FAM107B: variants seen among roughly 807,000 people sequenced by gnomAD.
The protein encoded by FAM107B is protein FAM107B.
Under a neutral mutation model 31.5 loss-of-function variants are expected in FAM107B, and 21 were observed. The ratio of observed to expected loss-of-function variants is 0.67; its 90% CI spans 0.47 to 0.96. The LOEUF (loss-of-function observed/expected upper bound fraction) is 0.96. FAM107B is among the 40% of genes least tolerant of loss of function. The probability of loss-of-function intolerance (pLI) is 0.00; values close to 1 mark genes in which losing one functional copy is unlikely to be tolerated. For synonymous variants in FAM107B, 157 were observed against 141.5 expected, an observed-to-expected ratio of 1.11 and a Z score of -0.78; for missense variants, 452 against 377.1, an observed-to-expected ratio of 1.20 and a Z score of -1.64.
chr10:14,585,537 G>A (rs1851794743), intron 2 of FAM107B, among the ~76,000 whole-genome samples: 1 of 152,202 alleles, frequency 6.6e-6, no homozygotes, highest in Admixed American at 6.5e-5. Flanking sequence ...AATTACAGAG[G>A]TGCAATTACA....
intron 2 of FAM107B, among the ~76,000 whole-genome samples, chr10:14,620,590 C>G (rs10796208): frequency 0.97 from 147,720 of 152,154 alleles, 71,879 homozygotes; most frequent in East Asian, 1. Context: ...ATGCAGGTTT[C>G]TTACATAGGT....
At chr10:14,756,536 G>T (rs553788707) in intron 1 of FAM107B, among the ~76,000 whole-genome samples, 1 of 152,358 alleles carries the variant, frequency 6.6e-6, no homozygotes, top group South Asian at 2.1e-4. Flanking sequence ...AGGTTGTGGA[G>T]AAAAGGGAAT....
chr10:14,650,156 C>T (rs1455644385), intron 2 of FAM107B, among the ~76,000 whole-genome samples: 3 of 152,094 alleles, frequency 2.0e-5, no homozygotes, highest in East Asian at 1.9e-4. Context: ...AGCATGAAAG[C>T]CTCTTCACCT....
chr10:14,628,210 G>T (rs2131412829), intron 2 of FAM107B, among the ~76,000 whole-genome samples: 1 of 144,232 alleles, frequency 6.9e-6, no homozygotes, highest in Admixed American at 7.6e-5. Flanking sequence ...TCCCCCTCCT[G>T]GGTTCAAGCA....
At chr10:14,704,522 G>A (rs1393942944) in intron 1 of FAM107B, among the ~76,000 whole-genome samples, 2 of 152,158 alleles carry the variant, frequency 1.3e-5, no homozygotes, top group African/African-American at 4.8e-5. Flanking sequence ...CAGAGGGGAC[G>A]CCCAGCCAAG....
intron 2 of FAM107B, among the ~76,000 whole-genome samples, chr10:14,569,809 C>A (rs891888193): frequency 2.0e-5 from 3 of 152,186 alleles, no homozygotes; most frequent in African/African-American, 7.2e-5. Context: ...CAAACAAGAT[C>A]TGGGACTCTC....
intron 1 of FAM107B, among the ~76,000 whole-genome samples, chr10:14,767,970 C>G (rs970192674): frequency 6.6e-6 from 1 of 151,820 alleles, no homozygotes; most frequent in East Asian, 1.9e-4. Flanking sequence ...AGATAAAGAC[C>G]CCTGCACAAA....
rs1287352810 is a variant in FAM107B at position 14,680,314 on chromosome 10, C to T, written c.412-12623G>A. On this transcript the variant is annotated intron_variant, in intron 1 of 4. Transcript: ENST00000181796. The stretch of plus-strand genomic sequence containing the variant: ...AGGGGCCGGGTGCGGTGGCTCATGA[C>T]TGTAATTCTAGCACTTTGGGAGGCT... Among the ~76,000 whole-genome samples the T allele has an allele frequency of 2.0e-5, 3 of 152,274 alleles. No homozygotes were observed. In the South Asian group the frequency reaches 6.2e-4, roughly 32 times the overall value.
chr10:14,767,348 TCCC>T (rs2131597398), intron 1 of FAM107B, among the ~76,000 whole-genome samples: 1 of 151,658 alleles, frequency 6.6e-6, no homozygotes, highest in South Asian at 2.1e-4. Flanking sequence ...CACGTCAGCC[TCCC>T]GAAGTCCTGG....
chr10:14,550,272 T>C (rs1314735514), intron 2 of FAM107B, among the ~76,000 whole-genome samples: 1 of 152,318 alleles, frequency 6.6e-6, no homozygotes, highest in East Asian at 1.9e-4. Context: ...TCTGTCTCTC[T>C]CAAAACAAAG....
At chr10:14,539,859 T>G (rs538602694) in intron 2 of FAM107B, among the ~76,000 whole-genome samples, 1 of 152,326 alleles carries the variant, frequency 6.6e-6, no homozygotes, top group Admixed American at 6.5e-5. Flanking sequence ...TCACTTCCTC[T>G]ACTCCTGTGC....
chr10:14,635,360 G>T (rs563741790), intron 2 of FAM107B, among the ~76,000 whole-genome samples: 1 of 152,090 alleles, frequency 6.6e-6, no homozygotes, highest in Non-Finnish European at 1.5e-5. Context: ...ATTAGACTTC[G>T]AACAGCCCAC....
chr10:14,565,647 T>C (rs1342093063), intron 2 of FAM107B, among the ~76,000 whole-genome samples: 2 of 152,142 alleles, frequency 1.3e-5, no homozygotes, highest in Non-Finnish European at 2.9e-5. Flanking sequence ...ATGGGCTGGA[T>C]ACGTAGATAT....
intron 2 of FAM107B, among the ~76,000 whole-genome samples, chr10:14,625,411 C>T (rs931918260): frequency 1.3e-5 from 2 of 152,002 alleles, no homozygotes; most frequent in African/African-American, 2.4e-5. Context: ...AAACACCTCT[C>T]CAGAACAATG....
Position 14,520,134 on chromosome 10 carries a change from G to C in FAM107B, c.*1056C>G, listed in dbSNP as rs557843253. Reference sequence around the variant, plus strand: ...TAAAGAAATACATGAGCATTAATCAGAAATTTTCAAAGCTTGGATTCTAAT... The same window carrying C: ...TAAAGAAATACATGAGCATTAATCACAAATTTTCAAAGCTTGGATTCTAAT... On this transcript the variant is annotated 3_prime_UTR_variant, in exon 5 of 5. Coordinates refer to ENST00000181796, the MANE Select transcript of FAM107B (RefSeq NM_031453.4). 1 of 152,710 alleles carries C rather than the reference G, an allele frequency of 6.5e-6. No individual in the cohort carries two copies. Among genetic ancestry groups the C allele is most frequent in the Non-Finnish European group, 1.5e-5 (1 of 68,030 alleles). The allele number at this position is 152,710 out of a possible 1,614,324, so 9.5% of individuals were successfully genotyped here. A position where few individuals can be genotyped will look rare whatever the true frequency, so the allele number is the denominator to read the frequency against.
At chr10:14,597,466 A>G (rs983465014) in intron 2 of FAM107B, among the ~76,000 whole-genome samples, 21 of 152,224 alleles carry the variant, frequency 1.4e-4, no homozygotes, top group African/African-American at 3.9e-4. Flanking sequence ...CTTTAGGAAC[A>G]ATGCCAAAAC....
intron 1 of FAM107B, among the ~76,000 whole-genome samples, chr10:14,704,031 C>A (rs757573749): frequency 3.3e-5 from 5 of 152,098 alleles, no homozygotes; most frequent in Non-Finnish European, 5.9e-5. Flanking sequence ...ATTAAGTGAA[C>A]CTTGTGGGTT....
chr10:14,576,189 A>G (rs978743343), intron 2 of FAM107B, among the ~76,000 whole-genome samples: 5 of 152,214 alleles, frequency 3.3e-5, no homozygotes, highest in African/African-American at 4.8e-5. Flanking sequence ...CAGTGTGGTT[A>G]AAATGGTTTA....
chr10:14,618,738 G>A (rs1038674123), intron 2 of FAM107B, among the ~76,000 whole-genome samples: 7 of 152,160 alleles, frequency 4.6e-5, no homozygotes, highest in African/African-American at 7.2e-5. Context: ...ACAGGAAGTT[G>A]AGGCAGGAGA....
Sources: allele counts gnomAD v4.1 joint callset (sites outside exome capture counted in the v4.1 genomes callset), GRCh38; gene constraint gnomAD v4.1.1; transcripts MANE v1.5; gene names NCBI Gene and HGNC (gene_info 2026-07-23, HGNC 2026-07-21).